CCDC158: variants seen among roughly 807,000 people sequenced by gnomAD.
CCDC158 encodes the protein coiled-coil domain-containing protein 158.
Under a neutral mutation model 138.6 loss-of-function variants are expected in CCDC158, and 116 were observed. The observed-to-expected ratio is 0.84, with a 90% CI of 0.72 to 0.98. The LOEUF is 0.98. Among genes scored for constraint, CCDC158 ranks in the 50% least tolerant of loss-of-function variants. The probability of loss-of-function intolerance (pLI) is 0.00; values close to 1 mark genes in which losing one functional copy is unlikely to be tolerated. For missense variants in CCDC158, 1,265 were observed against 1,306.1 expected, an observed-to-expected ratio of 0.97 and a Z score of 0.48; for synonymous variants, 436 against 442.4, an observed-to-expected ratio of 0.99 and a Z score of 0.18.
At position 76,405,686 on chromosome 4, in the gene CCDC158, A is replaced by G. The variant is rs541294637; in HGVS notation, c.-73-2406T>C. Among the ~76,000 whole-genome samples, 11 of 152,288 alleles carry G rather than the reference A, an allele frequency of 7.2e-5. No homozygotes were observed. The East Asian group carries it at 1.9e-3, about 27-fold the overall frequency. ...AACTAAAAACGGAAGGAAGAGGGAGAAAAGTGGAAAGTAAAAGACCATTGA... is the reference window on the plus strand; with the variant it reads ...AACTAAAAACGGAAGGAAGAGGGAGGAAAGTGGAAAGTAAAAGACCATTGA... On this transcript the variant is annotated intron_variant, in intron 2 of 24. Coordinates refer to ENST00000682701, the MANE Select transcript of CCDC158 (RefSeq NM_001394954.1).
intron 24 of CCDC158, among the ~76,000 whole-genome samples, chr4:76,316,306 C>G (rs528289172): frequency 8.5e-4 from 129 of 152,152 alleles, no homozygotes; most frequent in African/African-American, 3.0e-3. Flanking sequence ...TATAGAAATA[C>G]AAAATGCACT....
chr4:76,320,694 G>A (rs182680476), intron 24 of CCDC158, among the ~76,000 whole-genome samples: 1 of 152,254 alleles, frequency 6.6e-6, no homozygotes, highest in African/African-American at 2.4e-5. Context: ...GTGGGGAAAG[G>A]ACACCCTATT....
At chr4:76,391,716 C>A (rs1220803830) in intron 4 of CCDC158, among the ~76,000 whole-genome samples, 1 of 151,200 alleles carries the variant, frequency 6.6e-6, no homozygotes, top group Non-Finnish European at 1.5e-5. Flanking sequence ...TACAAAAGAT[C>A]AATGAAACAG....
Position 76,375,504 on chromosome 4 carries a change from C to T in CCDC158, c.1029+3786G>A, listed in dbSNP as rs1224138627. On this transcript the variant is annotated intron_variant, in intron 9 of 24. Transcript: ENST00000682701. ...CTTCCTGCACAGTATATAGCTCCAG[C>T]CAGTGCTACTAAATCATCACTTTTT... The T allele has an allele frequency of 5.7e-6, 4 of 696,368 alleles. No individual in the cohort carries two copies. The Admixed American group carries it at 6.1e-5, about 11-fold the overall frequency. The allele number at this position is 696,368 out of a possible 1,614,324, so 43.1% of individuals were successfully genotyped here.
intron 21 of CCDC158, 110 bp from the exon 22 acceptor site, chr4:76,329,077 C>T: frequency 1.2e-6 from 1 of 816,640 alleles, no homozygotes. Context: ...AAAATATAAC[C>T]TCAAGATGGC....
intron 24 of CCDC158, among the ~76,000 whole-genome samples, chr4:76,321,222 C>T (rs1719964891): frequency 6.6e-6 from 1 of 152,064 alleles, no homozygotes; most frequent in African/African-American, 2.4e-5. Flanking sequence ...ATACTACCTA[C>T]TCCTGCAAGA....
At chr4:76,399,559 C>T (rs28541290) in intron 3 of CCDC158, among the ~76,000 whole-genome samples, 4,459 of 152,154 alleles carry the variant, frequency 0.029, 220 homozygotes, top group African/African-American at 0.1. Context: ...AGTGATTTCA[C>T]TGGAATACTG....
At chr4:76,343,589 C>T (rs1039634912) in intron 18 of CCDC158, among the ~76,000 whole-genome samples, 1 of 152,078 alleles carries the variant, frequency 6.6e-6, no homozygotes, top group African/African-American at 2.4e-5. Context: ...CCGAGGCAGG[C>T]GGATCACTTG....
rs750513601 is a variant in CCDC158, at chr4:76,369,503, G to T, written c.1270C>A (p.Arg424=). The T allele has an allele frequency of 1.2e-6, 2 of 1,614,122 alleles. No individual in the cohort carries two copies. The highest frequency in any genetic ancestry group is 1.7e-6 in the Non-Finnish European group (2 of 1,180,012). The part of the protein sequence containing the change: ...IDHLRRELDN[R]NMEVQRLEAL... ...TCCAGGCGCTGCACCTCCATGTTCCGGTTGTCCAGTTCCCGCCGCAGGTGG... is the reference window on the plus strand; with the variant it reads ...TCCAGGCGCTGCACCTCCATGTTCCTGTTGTCCAGTTCCCGCCGCAGGTGG... Residue 424 remains arginine (R), a synonymous_variant, in exon 11 of 25, where the codon CGG becomes AGG. Transcript: ENST00000682701.
In CCDC158 at chr4:76,353,263, C is replaced by T; in HGVS notation, c.2305G>A (p.Glu769Lys). 1 of 1,607,042 alleles carries T rather than the reference C, an allele frequency of 6.2e-7. No individual in the cohort carries two copies. Among genetic ancestry groups the T allele is most frequent in the Non-Finnish European group, 8.5e-7 (1 of 1,177,336 alleles). The change falls in exon 16 of 25, where the codon GAA (glutamate) becomes AAA (lysine). Residue 769 changes from glutamate to lysine, a missense_variant. Coordinates refer to ENST00000682701, the MANE Select transcript of CCDC158 (RefSeq NM_001394954.1). The stretch of plus-strand genomic sequence containing the variant: ...TCCTGACTGAGTTTACTTTTCTCTT[C>T]TTTCAGAAAATGTTTCTCCTACAAT... ...NANKEKHFLK[E>K]EKSKLSQELS...
intron 15 of CCDC158, among the ~76,000 whole-genome samples, chr4:76,353,948 A>AT: frequency 6.6e-6 from 1 of 152,288 alleles, no homozygotes; most frequent in Non-Finnish European, 1.5e-5. Context: ...TTCTTTATGT[A>AT]TTTTTTCATA....
chr4:76,374,915 C>G (rs1006307773), intron 9 of CCDC158, among the ~76,000 whole-genome samples: 15 of 152,146 alleles, frequency 9.9e-5, no homozygotes, highest in Middle Eastern at 3.4e-3. Flanking sequence ...TTCCATCTGT[C>G]TATTAAGTAT....
rs1027894797 is a variant in CCDC158 at position 76,408,727 on chromosome 4, G to A, written c.-74+3363C>T. 4.6e-5 allele frequency among the ~76,000 whole-genome samples: 7 copies of A among 152,294 alleles called. No homozygotes were observed. The East Asian group carries it at 1.4e-3, about 29-fold the overall frequency. ...AGTAATGGGATGGCTGGGTCAAATG[G>A]TATTTCTAGATCTAGATCTCTGAGG... is the stretch of plus-strand genomic sequence containing the variant. On this transcript the variant is annotated intron_variant, in intron 2 of 24. Coordinates refer to ENST00000682701, the MANE Select transcript of CCDC158 (RefSeq NM_001394954.1).
intron 11 of CCDC158, 86 bp from the exon 12 acceptor site, chr4:76,367,862 G>T: frequency 1.5e-6 from 2 of 1,291,842 alleles, no homozygotes; most frequent in Non-Finnish European, 2.1e-6. Context: ...TTAAAAGCAT[G>T]AAATCATGAA....
At chr4:76,385,352 A>G (rs1726686559) in intron 4 of CCDC158, among the ~76,000 whole-genome samples, 1 of 152,240 alleles carries the variant, frequency 6.6e-6, no homozygotes, top group South Asian at 2.1e-4. Flanking sequence ...CCAGAAAAAA[A>G]AGAACCAGAG....
chr4:76,353,582 T>A (rs1553891549), intron 15 of CCDC158, among the ~76,000 whole-genome samples: 2 of 152,204 alleles, frequency 1.3e-5, no homozygotes, highest in Non-Finnish European at 2.9e-5. Flanking sequence ...TGAATTAGGA[T>A]CAAATAATCG....
intron 9 of CCDC158, among the ~76,000 whole-genome samples, chr4:76,377,320 T>G (rs1725810417): frequency 6.6e-6 from 1 of 152,240 alleles, no homozygotes; most frequent in Non-Finnish European, 1.5e-5. Context: ...TCAAAAAGTT[T>G]GTCAATAGAC....
intron 1 of CCDC158, among the ~76,000 whole-genome samples, chr4:76,418,100 C>T (rs944446207): frequency 2.0e-5 from 3 of 152,134 alleles, no homozygotes; most frequent in Non-Finnish European, 4.4e-5. Flanking sequence ...AAACGCAACG[C>T]AAAGCACTGG....
intron 18 of CCDC158, among the ~76,000 whole-genome samples, chr4:76,348,100 G>A (rs1227681067): frequency 1.3e-5 from 2 of 151,934 alleles, no homozygotes; most frequent in Non-Finnish European, 2.9e-5. Context: ...TGGGAGAAGG[G>A]GCAAACAAGC....
Sources: gnomAD v4.1 joint callset for allele counts (sites outside exome capture counted in the v4.1 genomes callset) on GRCh38, gnomAD v4.1.1 for gene constraint, MANE v1.5 for transcripts, NCBI Gene and HGNC (gene_info 2026-07-23, HGNC 2026-07-21) for gene names.